The following KIRREL3 variants were observed in gnomAD, a reference collection of about 807,000 sequenced individuals.
The protein encoded by KIRREL3 is kirre like nephrin family adhesion molecule 3.
A neutral mutation model predicts 89.7 loss-of-function variants in KIRREL3; 36 were observed. That is an observed-to-expected ratio of 0.40 (90% CI 0.31 to 0.53). The LOEUF (loss-of-function observed/expected upper bound fraction) is 0.53. Ranked by LOEUF, KIRREL3 falls within the 20% of genes least tolerant of loss-of-function variation. The pLI, the probability that KIRREL3 is intolerant of heterozygous loss-of-function variation, is 0.49. For missense variants in KIRREL3, 864 were observed against 1,056.6 expected (o/e 0.82, Z 2.53); for synonymous variants, 445 against 441.4 (o/e 1.01, Z -0.10).
rs1591377998 is a variant in KIRREL3 at position 126,954,791 on chromosome 11, A to G, written c.55+45664T>C. Reference sequence around the variant, plus strand: ...TGGCTTACCCTTGAACAACTTTATCAGAAAGTTTTTTCTCATAGAAGGCAG... The same window carrying G: ...TGGCTTACCCTTGAACAACTTTATCGGAAAGTTTTTTCTCATAGAAGGCAG... On this transcript the variant is annotated intron_variant, in intron 1 of 16. Coordinates refer to ENST00000525144, the MANE Select transcript of KIRREL3 (RefSeq NM_032531.4). This position sits in a 1 kb window ranked among gnomAD's most constrained non-coding sequence, Gnocchi z 4.1. 6.6e-6 allele frequency among the ~76,000 whole-genome samples: 1 copy of G among 152,198 alleles called. No homozygotes were observed. Among genetic ancestry groups the G allele is most frequent in the African/African-American group, 2.4e-5 (1 of 41,438 alleles).
chr11:126,541,219 C>T lies in KIRREL3; in HGVS notation c.134-14532G>A, dbSNP rs2134492689. Among the ~76,000 whole-genome samples, 1 of 152,290 alleles carries T rather than the reference C, an allele frequency of 6.6e-6. No individual in the cohort carries two copies. The highest frequency in any genetic ancestry group is 2.4e-5 in the African/African-American group (1 of 41,578). ...ACTGTATGGACACATGAAGCTTTGT[C>T]CTTGTCCTGGGCCCAGAAGGTACCA... is the stretch of plus-strand genomic sequence containing the variant. On this transcript the variant is annotated intron_variant, in intron 2 of 16. Coordinates refer to ENST00000525144, the MANE Select transcript of KIRREL3 (RefSeq NM_032531.4). This position sits in a 1 kb window ranked among gnomAD's most constrained non-coding sequence, Gnocchi z 4.8.
At position 126,990,426 on chromosome 11, in the gene KIRREL3, C is replaced by A. The variant is rs1432556804; in HGVS notation, c.55+10029G>T. Among the ~76,000 whole-genome samples, 1 of 150,322 alleles carries A rather than the reference C, an allele frequency of 6.7e-6. No individual in the cohort carries two copies. The highest frequency in any genetic ancestry group is 2.5e-5 in the African/African-American group (1 of 40,150). On this transcript the variant is annotated intron_variant, in intron 1 of 16. Transcript: ENST00000525144. This position sits in a 1 kb window ranked among gnomAD's most constrained non-coding sequence, Gnocchi z 6.3. The stretch of plus-strand genomic sequence containing the variant: ...CACCACCCAGAGGCGAGGAGGAGAG[C>A]CCCCCATCCCTCCCGTCCCTTCCCA...
At position 126,490,104 on chromosome 11, in the gene KIRREL3, T is replaced by C. The variant is rs571863245; in HGVS notation, c.434-16638A>G. On this transcript the variant is annotated intron_variant, in intron 4 of 16. Coordinates refer to ENST00000525144, the MANE Select transcript of KIRREL3 (RefSeq NM_032531.4). This position sits in a 1 kb window ranked among gnomAD's most constrained non-coding sequence, Gnocchi z 4.2. ...GATGTGCCTTAAAGTCACAGTTAGC[T>C]CCCATGATGGGCATTCGTGTTTGTG... 6.6e-6 allele frequency among the ~76,000 whole-genome samples: 1 copy of C among 151,922 alleles called. No homozygotes were observed. The highest frequency in any genetic ancestry group is 2.1e-4 in the South Asian group (1 of 4,814).
chr11:126,975,161 C>T (rs1434412251), intron 1 of KIRREL3, among the ~76,000 whole-genome samples: 1 of 152,118 alleles, frequency 6.6e-6, no homozygotes, highest in Non-Finnish European at 1.5e-5. Context: ...GCAGTCGGTC[C>T]TTGACCAACA....
Position 126,491,680 on chromosome 11 carries a change from G to A in KIRREL3, c.434-18214C>T, listed in dbSNP as rs1229021377. On this transcript the variant is annotated intron_variant, in intron 4 of 16. Coordinates refer to ENST00000525144, the MANE Select transcript of KIRREL3 (RefSeq NM_032531.4). This position sits in a 1 kb window ranked among gnomAD's most constrained non-coding sequence, Gnocchi z 5.5. ...CTTTGTGCTCCCCACACACAGATTT[G>A]GATGTTTTTCTTTTTTTCTTTTTTC... Among the ~76,000 whole-genome samples the A allele has an allele frequency of 6.6e-6, 1 of 151,988 alleles. No homozygotes were observed. The highest frequency in any genetic ancestry group is 1.9e-4 in the East Asian group (1 of 5,188).
rs996586729 is a variant in KIRREL3 at position 126,696,350 on chromosome 11, T to C, written c.56-133438A>G. Among the ~76,000 whole-genome samples the C allele has an allele frequency of 1.3e-5, 2 of 152,166 alleles. No individual in the cohort carries two copies. The highest frequency in any genetic ancestry group is 3.9e-4 in the East Asian group (2 of 5,178). On this transcript the variant is annotated intron_variant, in intron 1 of 16. Coordinates refer to ENST00000525144, the MANE Select transcript of KIRREL3 (RefSeq NM_032531.4). The surrounding 1 kb of genome is among the most constrained non-coding windows in gnomAD (Gnocchi z 4.4). Reference sequence around the variant, plus strand: ...TTCTTTGACCCTTCTCCTCCTTGGTTGCCTTGTGTGGTTGATGGTGACATC... The same window carrying C: ...TTCTTTGACCCTTCTCCTCCTTGGTCGCCTTGTGTGGTTGATGGTGACATC...
At chr11:126,743,247 G>A (rs10893562) in intron 1 of KIRREL3, among the ~76,000 whole-genome samples, 59,327 of 152,070 alleles carry the variant, frequency 0.39, 12,592 homozygotes, top group East Asian at 0.82. Context: ...GTCATTTACT[G>A]CCATGGGCCT....
intron 1 of KIRREL3, among the ~76,000 whole-genome samples, chr11:126,933,998 G>T (rs1283555102): frequency 1.0e-4 from 1 of 10,010 alleles, no homozygotes; most frequent in Non-Finnish European, 1.8e-4. Context: ...ATCTGGAAAA[G>T]ACAAAAAAAA....
rs1180610230 is a variant in KIRREL3 at position 126,994,118 on chromosome 11, G to A, written c.55+6337C>T. ...GCCTATGAAGACAGGCAAAGAGTAG[G>A]GTGAGAGCATAGCTCCCATTTGAGA... is the stretch of plus-strand genomic sequence containing the variant. On this transcript the variant is annotated intron_variant, in intron 1 of 16. Coordinates refer to ENST00000525144, the MANE Select transcript of KIRREL3 (RefSeq NM_032531.4). The surrounding 1 kb of genome is among the most constrained non-coding windows in gnomAD (Gnocchi z 5.2). Among the ~76,000 whole-genome samples, 2 of 152,110 alleles carry A rather than the reference G, an allele frequency of 1.3e-5. No individual in the cohort carries two copies. The highest frequency in any genetic ancestry group is 2.9e-5 in the Non-Finnish European group (2 of 68,020).
intron 13 of KIRREL3, among the ~76,000 whole-genome samples, chr11:126,434,424 G>A (rs1451205964): frequency 6.6e-6 from 1 of 152,250 alleles, no homozygotes; most frequent in Non-Finnish European, 1.5e-5. Flanking sequence ...GTGGGCTGCA[G>A]GGGCCTCTGT....
At chr11:126,929,439 A>G (rs1947848391) in intron 1 of KIRREL3, among the ~76,000 whole-genome samples, 1 of 152,200 alleles carries the variant, frequency 6.6e-6, no homozygotes, top group Admixed American at 6.5e-5. Context: ...AGAAAGAAGG[A>G]GGTCAGTTCC....
intron 1 of KIRREL3, among the ~76,000 whole-genome samples, chr11:126,863,370 T>G (rs537232205): frequency 2.0e-5 from 3 of 146,648 alleles, no homozygotes; most frequent in African/African-American, 5.1e-5. Flanking sequence ...TGTGTTTGAG[T>G]GCGTGTGTGT....
intron 1 of KIRREL3, among the ~76,000 whole-genome samples, chr11:126,730,435 T>C (rs1324741456): frequency 6.6e-6 from 1 of 152,244 alleles, no homozygotes; most frequent in African/African-American, 2.4e-5. Context: ...CTCCTACAGG[T>C]ATCTTCAACC....
At chr11:126,670,849 G>A (rs555199844) in intron 1 of KIRREL3, among the ~76,000 whole-genome samples, 3 of 152,302 alleles carry the variant, frequency 2.0e-5, no homozygotes, top group South Asian at 2.1e-4. Context: ...ATAGAATGGC[G>A]AAGGACCTAG....
Position 126,817,139 on chromosome 11 carries a change from A to T in KIRREL3, c.55+183316T>A, listed in dbSNP as rs1054210217. ...AATAGGAAAGATAGAAAAATTAAGC[A>T]GCTGGACCATGGATAAACAGCAAAA... On this transcript the variant is annotated intron_variant, in intron 1 of 16. Transcript: ENST00000525144. This position sits in a 1 kb window ranked among gnomAD's most constrained non-coding sequence, Gnocchi z 5.7. 1.3e-5 allele frequency among the ~76,000 whole-genome samples: 2 copies of T among 152,212 alleles called. No individual in the cohort carries two copies. The highest frequency in any genetic ancestry group is 1.9e-4 in the East Asian group (1 of 5,194).
At position 126,977,645 on chromosome 11, in the gene KIRREL3, T is replaced by C. The variant is rs1160797308; in HGVS notation, c.55+22810A>G. Among the ~76,000 whole-genome samples, 3 of 152,226 alleles carry C rather than the reference T, an allele frequency of 2.0e-5. No homozygotes were observed. The highest frequency in any genetic ancestry group is 2.9e-5 in the Non-Finnish European group (2 of 68,038). ...GGCACAATGCCTGGCACATAGTGGGTGTTCGATAAATATTTGTTGAAAAAG... is the reference window on the plus strand; with the variant it reads ...GGCACAATGCCTGGCACATAGTGGGCGTTCGATAAATATTTGTTGAAAAAG... On this transcript the variant is annotated intron_variant, in intron 1 of 16. Coordinates refer to ENST00000525144, the MANE Select transcript of KIRREL3 (RefSeq NM_032531.4). The surrounding 1 kb of genome is among the most constrained non-coding windows in gnomAD (Gnocchi z 4.7).
In KIRREL3 at chr11:126,612,810, C is replaced by A. The variant is rs1943188581; in HGVS notation, c.56-49898G>T. 6.6e-6 allele frequency among the ~76,000 whole-genome samples: 1 copy of A among 152,206 alleles called. No homozygotes were observed. Among genetic ancestry groups the A allele is most frequent in the Non-Finnish European group, 1.5e-5 (1 of 68,040 alleles). On this transcript the variant is annotated intron_variant, in intron 1 of 16. Transcript: ENST00000525144. This position sits in a 1 kb window ranked among gnomAD's most constrained non-coding sequence, Gnocchi z 4.5. The stretch of plus-strand genomic sequence containing the variant: ...GTTCCATCCCAGTTGCCACATGCAT[C>A]AGTACTTTATTCCTTTGTATGGGTG...
chr11:126,848,724 G>A (rs191734895), intron 1 of KIRREL3, among the ~76,000 whole-genome samples: 8 of 152,218 alleles, frequency 5.3e-5, no homozygotes, highest in Admixed American at 2.6e-4. Context: ...CTTACTCAAT[G>A]TTTTCTTAAA....
chr11:126,899,893 A>T (rs779077830), intron 1 of KIRREL3, among the ~76,000 whole-genome samples: 9 of 152,208 alleles, frequency 5.9e-5, no homozygotes, highest in Non-Finnish European at 1.3e-4. Context: ...TAGCAAGTGG[A>T]GACTCTGGAA....
Sources: gnomAD v4.1 joint callset for allele counts (sites outside exome capture counted in the v4.1 genomes callset) on GRCh38, gnomAD v4.1.1 for gene constraint, Gnocchi (gnomAD v3.1) non-coding constraint, MANE v1.5 for transcripts, NCBI Gene and HGNC (gene_info 2026-07-23, HGNC 2026-07-21) for gene names.